ANK3: variants seen among roughly 807,000 people sequenced by gnomAD.
The protein encoded by ANK3 is ankyrin 3, also known as ankyrin-3.
A neutral mutation model predicts 370.9 loss-of-function variants in ANK3; 57 were observed. The ratio of observed to expected loss-of-function variants is 0.15; its 90% CI spans 0.12 to 0.19. The LOEUF (loss-of-function observed/expected upper bound fraction) is 0.19. Among genes scored for constraint, ANK3 ranks in the 10% least tolerant of loss-of-function variants. The pLI is 1.00. For missense variants in ANK3, 4,439 were observed against 5,302.1 expected (o/e 0.84, Z 5.06); for synonymous variants, 1,929 against 1,946.3 (o/e 0.99, Z 0.23).
At chr10:60,310,795 G>C (rs900466658) in intron 1 of ANK3, among the ~76,000 whole-genome samples, 10 of 152,156 alleles carry the variant, frequency 6.6e-5, no homozygotes, top group African/African-American at 2.4e-4. Flanking sequence ...AATTCAAAAA[G>C]GAGGTAGAAC....
At chr10:60,285,360 T>G (rs768938025) in intron 1 of ANK3, among the ~76,000 whole-genome samples, 2 of 152,156 alleles carry the variant, frequency 1.3e-5, no homozygotes, top group African/African-American at 2.4e-5. Flanking sequence ...TCCTTAATAC[T>G]AATTCATATT....
chr10:60,073,975 T>C lies in ANK3; in HGVS notation c.6906A>G (p.Pro2302=), dbSNP rs779078389. 6.2e-7 allele frequency: 1 copy of C among 1,614,100 alleles called. No individual in the cohort carries two copies. Among genetic ancestry groups the C allele is most frequent in the Non-Finnish European group, 8.5e-7 (1 of 1,180,008 alleles). Residue 2302 remains proline (P), a synonymous_variant, in exon 37 of 44, where the codon CCA becomes CCG. Transcript: ENST00000280772. ...GLFEHKSAVS[P]DVHKSAAETS... The stretch of plus-strand genomic sequence containing the variant: ...TTTCAGCAGCAGACTTGTGAACATC[T>C]GGAGACACTGCCGACTTATGTTCAA...
intron 2 of ANK3, among the ~76,000 whole-genome samples, chr10:60,564,220 T>C (rs1171515699): frequency 6.6e-6 from 1 of 152,192 alleles, no homozygotes; most frequent in Non-Finnish European, 1.5e-5. Context: ...AAAAAATTTA[T>C]AGCTATGTAA....
chr10:60,067,959 C>T lies in ANK3; in HGVS notation c.12295G>A (p.Asp4099Asn), dbSNP rs2081967857. 6 of 1,610,050 alleles carry T rather than the reference C, an allele frequency of 3.7e-6. No individual in the cohort carries two copies. Among genetic ancestry groups the T allele is most frequent in the South Asian group, 2.2e-5 (2 of 90,588 alleles). The change falls in exon 38 of 44, where the codon GAT becomes AAT. Residue 4099 changes from aspartate (D) to asparagine (N), a missense_variant. Around this residue, in one of 13 missense-constraint regions of ANK3, gnomAD observed 99 missense variants for 150.7 expected, o/e 0.66. Coordinates refer to ENST00000280772, the MANE Select transcript of ANK3 (RefSeq NM_020987.5). ...RTDIRMAIVADHLGLSWTELA... is the reference protein window; with the variant it reads ...RTDIRMAIVANHLGLSWTELA... The stretch of plus-strand genomic sequence containing the variant: ...CCTGTCCAACTAAGTCCCAGGTGAT[C>T]GGCTACTATTGCCATCCTGATATCT...
Position 60,069,061 on chromosome 10 carries a change from T to C in ANK3, c.11820A>G (p.Lys3940=), listed in dbSNP as rs1231424439. The change falls in exon 37 of 44, where the codon AAA becomes AAG. Residue 3940 remains lysine (K), a synonymous_variant. Transcript: ENST00000280772. ...CATQKQGQPE[K]GKAKQLPSKL... is the part of the protein sequence containing the mutation. ...TGGATGGAAGCTGTTTGGCCTTGCC[T>C]TTCTCTGGCTGCCCTTGCTTTTGTG... The C allele has an allele frequency of 1.2e-6, 2 of 1,614,108 alleles. No homozygotes were observed. Among genetic ancestry groups the C allele is most frequent in the East Asian group, 4.5e-5 (2 of 44,880 alleles).
chr10:60,504,933 AATGTAAACTAGGG>A (rs1377892659), intron 2 of ANK3, among the ~76,000 whole-genome samples: 12 of 152,164 alleles, frequency 7.9e-5, no homozygotes, highest in Non-Finnish European at 1.8e-4. Flanking sequence ...GGGAAACTTG[AATGTAAACTAGGG>A]ATTAGAGCAT....
chr10:60,485,062 G>T (rs938337605), intron 2 of ANK3, among the ~76,000 whole-genome samples: 1 of 152,082 alleles, frequency 6.6e-6, no homozygotes, highest in Non-Finnish European at 1.5e-5. Flanking sequence ...ATAGTAAAAA[G>T]AGTAAACAGA....
intron 2 of ANK3, among the ~76,000 whole-genome samples, chr10:60,439,141 T>C (rs1376315924): frequency 1.3e-5 from 2 of 152,188 alleles, no homozygotes; most frequent in African/African-American, 2.4e-5. Context: ...TAAGAAATGA[T>C]AGATTATCTA....
At chr10:60,640,693 G>A (rs1421185571) in intron 1 of ANK3, among the ~76,000 whole-genome samples, 1 of 78,768 alleles carries the variant, frequency 1.3e-5, no homozygotes, top group Non-Finnish European at 2.9e-5. Flanking sequence ...TACTGAATGG[G>A]CAAAAACTGG....
intron 2 of ANK3, among the ~76,000 whole-genome samples, chr10:60,571,797 T>C (rs2077606186): frequency 6.6e-6 from 1 of 152,192 alleles, no homozygotes; most frequent in African/African-American, 2.4e-5. Flanking sequence ...TTTGAAGATA[T>C]ACACATTCAA....
intron 2 of ANK3, among the ~76,000 whole-genome samples, chr10:60,413,329 G>A (rs113630286): frequency 0.012 from 1,786 of 152,316 alleles, 39 homozygotes; most frequent in African/African-American, 0.041. Flanking sequence ...GGGCTACCAC[G>A]TTCCTTTATG....
At chr10:60,138,067 A>G (rs1378778684) in intron 24 of ANK3, among the ~76,000 whole-genome samples, 2 of 152,168 alleles carry the variant, frequency 1.3e-5, no homozygotes, top group Non-Finnish European at 2.9e-5. Context: ...TACTAAAAAA[A>G]AGACTAGAAG....
intron 2 of ANK3, among the ~76,000 whole-genome samples, chr10:60,546,048 T>C (rs921703814): frequency 7.5e-6 from 1 of 134,184 alleles, no homozygotes; most frequent in Non-Finnish European, 1.7e-5. Context: ...GTATTTTTAT[T>C]ATTTAGAGAC....
intron 37 of ANK3, 113 bp from the exon 38 acceptor site, chr10:60,068,122 T>C (rs2081998722): frequency 2.3e-6 from 2 of 879,778 alleles, no homozygotes; most frequent in Admixed American, 2.0e-5. Flanking sequence ...CACTGTACAC[T>C]GAAATGTGTC....
chr10:60,344,920 G>A (rs1468623878), intron 1 of ANK3, among the ~76,000 whole-genome samples: 1 of 152,158 alleles, frequency 6.6e-6, no homozygotes, highest in Non-Finnish European at 1.5e-5. Context: ...TGGAAAGTAG[G>A]CATCATTTTG....
chr10:60,523,223 T>G (rs1269840954), intron 2 of ANK3, among the ~76,000 whole-genome samples: 1 of 151,930 alleles, frequency 6.6e-6, no homozygotes, highest in Non-Finnish European at 1.5e-5. Flanking sequence ...GAGATACACA[T>G]TTTTCTTTAT....
At chr10:60,726,928 T>TA (rs1337117878) in intron 1 of ANK3, among the ~76,000 whole-genome samples, 2 of 152,160 alleles carry the variant, frequency 1.3e-5, no homozygotes, top group African/African-American at 4.8e-5. Flanking sequence ...CATCAATAGT[T>TA]ACAATTGCAT....
chr10:60,040,943 A>T (rs2075982403), intron 43 of ANK3, among the ~76,000 whole-genome samples: 1 of 152,164 alleles, frequency 6.6e-6, no homozygotes, highest in Admixed American at 6.5e-5. Flanking sequence ...TATTTTGTGG[A>T]TCTGCTATAG....
At chr10:60,059,455 C>T (rs1423941151) in intron 40 of ANK3, 25 bp from the exon 41 acceptor site, 1 of 1,593,414 alleles carries the variant, frequency 6.3e-7, no homozygotes, top group Non-Finnish European at 8.6e-7. Flanking sequence ...ATTTCCAGTT[C>T]TGCTTGCTGA....
Sources: allele counts gnomAD v4.1 joint callset (sites outside exome capture counted in the v4.1 genomes callset), GRCh38; gene constraint gnomAD v4.1.1; regional missense constraint gnomAD v4.1.1; transcripts MANE v1.5; gene names NCBI Gene and HGNC (gene_info 2026-07-23, HGNC 2026-07-21).